Variants in ZNF599 observed in about 807,000 individuals in gnomAD.
The protein encoded by ZNF599 is zinc finger protein 599.
ZNF599 carries 10 observed loss-of-function variants against 11.7 expected under a neutral mutation model. The observed-to-expected ratio is 0.86, with a 90% CI of 0.53 to 1.45. The LOEUF is 1.45. ZNF599 is among the 40% of genes most tolerant of loss of function. The pLI, the probability that ZNF599 is intolerant of heterozygous loss-of-function variation, is 0.00. For missense variants in ZNF599, 688 were observed against 713.6 expected (o/e 0.96, Z 0.41); for synonymous variants, 232 against 253.2 (o/e 0.92, Z 0.79).
chr19:34,759,251 G>C lies in ZNF599; in HGVS notation c.1550C>G (p.Thr517Ser). 6.2e-7 allele frequency: 1 copy of C among 1,614,154 alleles called. No homozygotes were observed. The highest frequency in any genetic ancestry group is 8.5e-7 in the Non-Finnish European group (1 of 1,180,034). Residue 517 changes from threonine (T) to serine (S), a missense_variant, in exon 4 of 4, where the codon ACC (threonine) becomes AGC (serine). Thr to Ser is a moderately conservative substitution (Grantham distance 58). Transcript: ENST00000329285. ...YVCRECGKAF[T>S]QPANFVRHNR... Reference sequence around the variant, plus strand: ...ATGCCGAACAAAATTTGCAGGTTGGGTAAAAGCCTTTCCACATTCTCTACA... The same window carrying C: ...ATGCCGAACAAAATTTGCAGGTTGGCTAAAAGCCTTTCCACATTCTCTACA...
chr19:34,777,357 T>TATTA (rs1468798337), upstream of ZNF599, among the ~76,000 whole-genome samples: 2 of 92,966 alleles, frequency 2.2e-5, no homozygotes, highest in African/African-American at 9.2e-5. Flanking sequence ...ATATATTATA[T>TATTA]ATTAATATAT....
the ZNF599 span, among the ~76,000 whole-genome samples, chr19:34,792,071 C>T: frequency 6.6e-6 from 1 of 152,168 alleles, no homozygotes; most frequent in Admixed American, 6.5e-5. Flanking sequence ...ACCAACAGCA[C>T]AAAAACTATC....
rs764143876 is a variant in ZNF599, at chr19:34,759,671, C to T, written c.1130G>A (p.Cys377Tyr). Residue 377 changes from cysteine (C) to tyrosine (Y), a missense_variant, in exon 4 of 4, where the codon TGC becomes TAC. Coordinates refer to ENST00000329285, the MANE Select transcript of ZNF599 (RefSeq NM_001007248.3). ...FLCKECGKTF[C>Y]LNSSFTQHMR... ...GTGCTGAGTGAAGGATGAGTTGAGG[C>T]AAAAGGTTTTTCCACATTCTTTACA... 6.2e-7 allele frequency: 1 copy of T among 1,614,040 alleles called. No homozygotes were observed. The highest frequency in any genetic ancestry group is 1.1e-5 in the South Asian group (1 of 91,072).
chr19:34,762,498 G>C (rs1391468631), intron 3 of ZNF599, among the ~76,000 whole-genome samples: 3 of 152,146 alleles, frequency 2.0e-5, no homozygotes, highest in Admixed American at 6.5e-5. Context: ...ACTTTACTAA[G>C]AGAAACTCCT....
At chr19:34,793,755 C>T in the ZNF599 span, among the ~76,000 whole-genome samples, 4 of 152,274 alleles carry the variant, frequency 2.6e-5, no homozygotes, top group African/African-American at 9.6e-5. Context: ...AATGGCTGCT[C>T]TGTAGCAGAG....
chr19:34,799,831 G>A, the ZNF599 span, among the ~76,000 whole-genome samples: 1 of 152,216 alleles, frequency 6.6e-6, no homozygotes, highest in East Asian at 1.9e-4. Context: ...GAACAGAGCT[G>A]CTGTTATCTA....
At chr19:34,762,063 G>A (rs1040580720) in intron 3 of ZNF599, among the ~76,000 whole-genome samples, 42 of 152,126 alleles carry the variant, frequency 2.8e-4, no homozygotes, top group Non-Finnish European at 1.2e-4. Context: ...AGACAAAATC[G>A]TCTTAAATCT....
In ZNF599 at chr19:34,760,041, G is replaced by T; in HGVS notation, c.760C>A (p.Pro254Thr). The T allele has an allele frequency of 6.2e-7, 1 of 1,614,078 alleles. No individual in the cohort carries two copies. The highest frequency in any genetic ancestry group is 8.5e-7 in the Non-Finnish European group (1 of 1,180,006). Residue 254 changes from proline to threonine, a missense_variant, in exon 4 of 4, where the codon CCA becomes ACA. By Grantham distance (38) the Pro-to-Thr change is conservative. Transcript: ENST00000329285. ...TTCCCACACTCAATACACTTGTATG[G>T]TTTTTCCCCAGTATGAAGCCTCATA... is the stretch of plus-strand genomic sequence containing the variant. ...RHMRLHTGEK[P>T]YKCIECGKAF... is the part of the protein sequence containing the mutation.
the ZNF599 span, among the ~76,000 whole-genome samples, chr19:34,796,352 C>T: frequency 6.6e-6 from 1 of 151,356 alleles, no homozygotes; most frequent in East Asian, 1.9e-4. Flanking sequence ...TCTCTATTGC[C>T]CAAGATGGAG....
In ZNF599 at chr19:34,759,856, T is replaced by G. The variant is rs1453483578; in HGVS notation, c.945A>C (p.Glu315Asp). Residue 315 changes from glutamate to aspartate, a missense_variant, in exon 4 of 4, where the codon GAA (glutamate) becomes GAC (aspartate). By Grantham distance (45) the Glu-to-Asp change is conservative. Coordinates refer to ENST00000329285, the MANE Select transcript of ZNF599 (RefSeq NM_001007248.3). ...AGCTGTAGTAAAAAGCTTTCCCACA[T>G]TCTTTGCATAAAAAGGGTTTTTCTC... ...HTREKPFLCK[E>D]CGKAFYYSSS... 1 of 1,614,188 alleles carries G rather than the reference T, an allele frequency of 6.2e-7. No individual in the cohort carries two copies. The highest frequency in any genetic ancestry group is 8.5e-7 in the Non-Finnish European group (1 of 1,180,030).
At chr19:34,806,431 T>G in the ZNF599 span, among the ~76,000 whole-genome samples, 1 of 152,178 alleles carries the variant, frequency 6.6e-6, no homozygotes, top group African/African-American at 2.4e-5. Flanking sequence ...TCCTCCTCAG[T>G]TCACAACCCT....
At chr19:34,772,378 A>G in intron 1 of ZNF599, 2 of 997,772 alleles carry the variant, frequency 2.0e-6, no homozygotes, top group Non-Finnish European at 2.4e-6. Context: ...AGCTTTTGGT[A>G]GGGCCAGACT....
At chr19:34,772,270 G>A in intron 1 of ZNF599, 1 of 964,082 alleles carries the variant, frequency 1.0e-6, no homozygotes, top group South Asian at 4.8e-5. Context: ...GACGGCATCT[G>A]CAAAGATAAA....
the ZNF599 span, among the ~76,000 whole-genome samples, chr19:34,785,019 C>T: frequency 6.7e-6 from 1 of 149,816 alleles, no homozygotes; most frequent in Admixed American, 6.7e-5. Flanking sequence ...TGTCTAGTTG[C>T]CTGCTCAGAA....
At chr19:34,773,512 G>C (rs189787245), upstream of ZNF599, among the ~76,000 whole-genome samples, 1 of 152,126 alleles carries the variant, frequency 6.6e-6, no homozygotes, top group Non-Finnish European at 1.5e-5. Flanking sequence ...TTTCCTCCCT[G>C]TGTATCCCTG....
chr19:34,773,512 G>A (rs189787245), upstream of ZNF599, among the ~76,000 whole-genome samples: 240 of 152,242 alleles, frequency 1.6e-3, no homozygotes, highest in African/African-American at 5.4e-3. Flanking sequence ...TTTCCTCCCT[G>A]TGTATCCCTG....
At chr19:34,779,964 A>G in the ZNF599 span, 1 of 153,482 alleles carries the variant, frequency 6.5e-6, no homozygotes, top group Non-Finnish European at 1.4e-5. Context: ...TGCTGGAGAA[A>G]GCCTGCTGTG....
upstream of ZNF599, among the ~76,000 whole-genome samples, chr19:34,774,942 T>C (rs58091773): frequency 0.33 from 50,170 of 152,004 alleles, 8,526 homozygotes; most frequent in African/African-American, 0.39. Flanking sequence ...CCCTTGGTGC[T>C]ATTCTTGAGA....
chr19:34,795,381 C>G, the ZNF599 span, among the ~76,000 whole-genome samples: 1 of 152,154 alleles, frequency 6.6e-6, no homozygotes, highest in Non-Finnish European at 1.5e-5. Context: ...CTCAAGCAAC[C>G]CTCCTGCCTC....
Sources: allele counts gnomAD v4.1 joint callset (sites outside exome capture counted in the v4.1 genomes callset), GRCh38; gene constraint gnomAD v4.1.1; transcripts MANE v1.5; gene names NCBI Gene and HGNC (gene_info 2026-07-23, HGNC 2026-07-21).